Variants in RAD51D observed in about 807,000 individuals in gnomAD.
RAD51D encodes the protein DNA repair protein RAD51 homolog 4.
In RAD51D, 38 loss-of-function variants were observed where a neutral mutation model predicts 44.1. The ratio of observed to expected loss-of-function variants is 0.86; its 90% CI spans 0.67 to 1.13. RAD51D has a LOEUF of 1.13. Among genes scored for constraint, RAD51D ranks in the 50% most tolerant of loss-of-function variants. The pLI is 0.00. For missense variants in RAD51D, 390 were observed against 414.0 expected, an observed-to-expected ratio of 0.94 and a Z score of 0.50; for synonymous variants, 141 against 166.6, an observed-to-expected ratio of 0.85 and a Z score of 1.18.
At chr17:35,110,832 C>A (rs751889834) in intron 3 of RAD51D, among the ~76,000 whole-genome samples, 2 of 152,274 alleles carry the variant, frequency 1.3e-5, no homozygotes, top group Admixed American at 6.5e-5. Flanking sequence ...ACAGGCTGGG[C>A]GCGGTGGCTC....
In RAD51D at chr17:35,119,580, G is replaced by C. The variant is rs773065220; in HGVS notation, c.34C>G (p.Leu12Val). The C allele has an allele frequency of 8.7e-6, 14 of 1,612,656 alleles. No homozygotes were observed. The highest frequency in any genetic ancestry group is 1.2e-5 in the Non-Finnish European group (14 of 1,179,954). Residue 12 changes from leucine to valine, a missense_variant, in exon 1 of 10, where the codon CTT (leucine) becomes GTT (valine). Leu to Val is a conservative substitution (Grantham distance 32). Transcript: ENST00000345365. ...AGAAGCTGGATCATCTCCTCGGTAA[G>C]GCCAGGGCACAGTCCGACCCTGAGC... ...GVLRVGLCPGLTEEMIQLLRS... is the reference protein window; with the variant it reads ...GVLRVGLCPGVTEEMIQLLRS...
At chr17:35,118,453 G>T in intron 3 of RAD51D, 48 bp downstream of exon 3, 1 of 1,493,008 alleles carries the variant, frequency 6.7e-7, no homozygotes, top group Non-Finnish European at 9.3e-7. Context: ...CTGAGAGGAG[G>T]CCCCATCCTC....
At position 35,099,601 on chromosome 17, in the gene RAD51D, C is replaced by T; in HGVS notation, c.*1352G>A. On this transcript the variant is annotated 3_prime_UTR_variant, in exon 10 of 10. Transcript: ENST00000345365. ...AATCCAACACCCTGGTGCCAGTTTG[C>T]CACTCCTTCCCAATCCTCCATGATT... is the stretch of plus-strand genomic sequence containing the variant. 2.9e-6 allele frequency: 1 copy of T among 349,560 alleles called. No individual in the cohort carries two copies. Among genetic ancestry groups the T allele is most frequent in the Admixed American group, 3.9e-5 (1 of 25,628 alleles). 21.7% of individuals were successfully genotyped at this position (349,560 alleles called of 1,614,324 possible). A position where few individuals can be genotyped will look rare whatever the true frequency, so the allele number is the denominator to read the frequency against.
rs143673500 is a variant in RAD51D, at chr17:35,100,016, G to T, written c.*937C>A. 1.9e-5 allele frequency: 10 copies of T among 530,834 alleles called. No individual in the cohort carries two copies. The highest frequency in any genetic ancestry group is 1.6e-4 in the Admixed American group (7 of 44,902). 32.9% of individuals were successfully genotyped at this position (530,834 alleles called of 1,614,324 possible). The stretch of plus-strand genomic sequence containing the variant: ...CTGCATAAAGGACTAGATTTGCCAT[G>T]TATTATTTACGTCAGCATCAATTTT... On this transcript the variant is annotated 3_prime_UTR_variant, in exon 10 of 10. Coordinates refer to ENST00000345365, the MANE Select transcript of RAD51D (RefSeq NM_002878.4).
At chr17:35,117,539 G>A (rs1245574780) in intron 3 of RAD51D, among the ~76,000 whole-genome samples, 1 of 152,166 alleles carries the variant, frequency 6.6e-6, no homozygotes, top group Non-Finnish European at 1.5e-5. Flanking sequence ...ACCAAGGCTG[G>A]AGTGCAGTGG....
Position 35,119,680 on chromosome 17 carries a change from T to C in RAD51D, c.-67A>G, listed in dbSNP as rs2142481767. On this transcript the variant is annotated 5_prime_UTR_variant, in exon 1 of 10. Transcript: ENST00000345365. ...ACGTGGGCATTCGCGGGGGGTCCTCTCCAGACGCCCCTCCCCTACCCCTTC... is the reference window on the plus strand; with the variant it reads ...ACGTGGGCATTCGCGGGGGGTCCTCCCCAGACGCCCCTCCCCTACCCCTTC... The C allele has an allele frequency of 6.6e-7, 1 of 1,511,336 alleles. No homozygotes were observed. The highest frequency in any genetic ancestry group is 9.1e-7 in the Non-Finnish European group (1 of 1,098,710). The allele number at this position is 1,511,336 out of a possible 1,614,324, so 93.6% of individuals were successfully genotyped here. A position where few individuals can be genotyped will look rare whatever the true frequency, so the allele number is the denominator to read the frequency against.
Position 35,107,416 on chromosome 17 carries a change from TATAGAGAC to T in RAD51D, c.287_294del (p.Gly96AspfsTer6). ...CCTACAATTTCAGTCACTTCTCCAG[TATAGAGAC>T]CAGCATCAAGCAGTTTATCAAGACT... is the stretch of plus-strand genomic sequence containing the variant. On this transcript the variant is annotated frameshift_variant, in exon 4 of 10. Coordinates refer to ENST00000345365, the MANE Select transcript of RAD51D (RefSeq NM_002878.4). LOFTEE classifies it high-confidence loss of function. 6.4e-7 allele frequency: 1 copy of T among 1,563,352 alleles called. No homozygotes were observed. The highest frequency in any genetic ancestry group is 2.2e-5 in the East Asian group (1 of 44,638).
intron 1 of RAD51D, 104 bp from the exon 2 acceptor site, chr17:35,119,276 G>T: frequency 8.8e-7 from 1 of 1,130,238 alleles, no homozygotes; most frequent in African/African-American, 1.5e-5. Flanking sequence ...CCCCCCGGCA[G>T]GCCGTCTCAG....
At chr17:35,118,764 A>G in intron 2 of RAD51D, 145 bp from the exon 3 acceptor site, 1 of 740,510 alleles carries the variant, frequency 1.4e-6, no homozygotes. Context: ...GTTGTTTCAG[A>G]CAGGGTCTCA....
rs786201961 is a variant in RAD51D at position 35,101,018 on chromosome 17, T to C, written c.922A>G (p.Met308Val). Reference protein sequence around the residue: ...SSRQPTGFQEMVDIGTWGTSE... With the variant: ...SSRQPTGFQEVVDIGTWGTSE... ...GTCCCCCAGGTCCCAATGTCTACCATCTCCTGGAAACCTGTTGGCTGGAAG... is the reference window on the plus strand; with the variant it reads ...GTCCCCCAGGTCCCAATGTCTACCACCTCCTGGAAACCTGTTGGCTGGAAG... Residue 308 changes from methionine (M) to valine (V), a missense_variant, in exon 10 of 10, where the codon ATG becomes GTG. Met to Val is a conservative substitution (Grantham distance 21, BLOSUM62 1). Transcript: ENST00000345365. 8 of 1,613,598 alleles carry C rather than the reference T, an allele frequency of 5.0e-6. No individual in the cohort carries two copies. The highest frequency in any genetic ancestry group is 4.0e-5 in the African/African-American group (3 of 74,880).
rs368914740 is a variant in RAD51D, at chr17:35,101,280, C to T, written c.824G>A (p.Arg275Gln). 7 of 1,614,046 alleles carry T rather than the reference C, an allele frequency of 4.3e-6. No individual in the cohort carries two copies. The highest frequency in any genetic ancestry group is 1.3e-5 in the African/African-American group (1 of 74,896). The change falls in exon 9 of 10, where the codon CGG becomes CAG. Residue 275 changes from arginine (R) to glutamine (Q), a missense_variant. Coordinates refer to ENST00000345365, the MANE Select transcript of RAD51D (RefSeq NM_002878.4). ...TCCCTCGATGGTGTCCAGGAGAATC[C>T]GAGTGCTGGGCACAAAGCTCCAGGA... ...GRSWSFVPST[R>Q]ILLDTIEGAG...
Position 35,103,690 on chromosome 17 carries a change from C to CA in RAD51D, c.577-147dup. ...CTGCACGGGCATCACAGAATGTCAT[C>CA]AGCAGCAATGTCTCCCTCGTCCCAT... On this transcript the variant is annotated intron_variant, in intron 6 of 9. Coordinates refer to ENST00000345365, the MANE Select transcript of RAD51D (RefSeq NM_002878.4). The surrounding 1 kb of genome is among the most constrained non-coding windows in gnomAD (Gnocchi z 4.1). 1.4e-6 allele frequency: 1 copy of CA among 701,082 alleles called. No homozygotes were observed. Among genetic ancestry groups the CA allele is most frequent in the South Asian group, 1.5e-5 (1 of 66,390 alleles). The allele number at this position is 701,082 out of a possible 1,614,324, so 43.4% of individuals were successfully genotyped here.
At chr17:35,104,770 C>T (rs2091579296) in intron 6 of RAD51D, 1 of 152,010 alleles carries the variant, frequency 6.6e-6, no homozygotes, top group African/African-American at 2.4e-5. Flanking sequence ...GTTTTTGATG[C>T]TTCTTTTCTC....
rs1209298800 is a variant in RAD51D, at chr17:35,100,704, C to T, written c.*249G>A. 3 of 631,066 alleles carry T rather than the reference C, an allele frequency of 4.8e-6. No individual in the cohort carries two copies. Among genetic ancestry groups the T allele is most frequent in the East Asian group, 3.0e-5 (1 of 33,758 alleles). 39.1% of individuals were successfully genotyped at this position (631,066 alleles called of 1,614,324 possible). On this transcript the variant is annotated 3_prime_UTR_variant, in exon 10 of 10. Transcript: ENST00000345365. Reference sequence around the variant, plus strand: ...ACTTGGTTTCCACCAGAAACATACACGTTAGAAATAAGGGAAGGAAACGTG... The same window carrying T: ...ACTTGGTTTCCACCAGAAACATACATGTTAGAAATAAGGGAAGGAAACGTG...
rs2091505591 is a variant in RAD51D at position 35,098,847 on chromosome 17, A to G, written c.*2106T>C. ...GTTAAGTAACAGGATGGGCCAGATG[A>G]TTTTTTTTTTCCTTGAGACAGGGTC... On this transcript the variant is annotated 3_prime_UTR_variant, in exon 10 of 10. Transcript: ENST00000345365. 6.7e-6 allele frequency: 1 copy of G among 149,316 alleles called. No homozygotes were observed. The highest frequency in any genetic ancestry group is 2.5e-5 in the African/African-American group (1 of 40,530). The allele number at this position is 149,316 out of a possible 1,614,324, so 9.2% of individuals were successfully genotyped here.
chr17:35,102,610 C>G (rs1173011819), intron 8 of RAD51D, among the ~76,000 whole-genome samples: 2 of 144,800 alleles, frequency 1.4e-5, no homozygotes, highest in African/African-American at 5.1e-5. Flanking sequence ...GCCTGGGAAA[C>G]AGAGCGAAAC....
chr17:35,108,342 C>T (rs569557295), intron 3 of RAD51D, among the ~76,000 whole-genome samples: 1 of 151,584 alleles, frequency 6.6e-6, no homozygotes, highest in Non-Finnish European at 1.5e-5. Flanking sequence ...GAACCCTTCA[C>T]CTGGTTTACC....
At position 35,103,307 on chromosome 17, in the gene RAD51D, GCA is replaced by G; in HGVS notation, c.683_684del (p.Met228ThrfsTer98). 1 of 1,612,118 alleles carries G rather than the reference GCA, an allele frequency of 6.2e-7. No homozygotes were observed. Among genetic ancestry groups the G allele is most frequent in the Non-Finnish European group, 8.5e-7 (1 of 1,179,222 alleles). On this transcript the variant is annotated frameshift_variant, in exon 8 of 10. Coordinates refer to ENST00000345365, the MANE Select transcript of RAD51D (RefSeq NM_002878.4). LOFTEE classifies it high-confidence loss of function. This position sits in a 1 kb window ranked among gnomAD's most constrained non-coding sequence, Gnocchi z 4.1. ...GQQREGLALMMQLARELKTLA... is the reference protein window; with the variant it reads ...GQQREGLALMXQLARELKTLA... ...AGGGTCTTCAGCTCTCGGGCCAGCT[GCA>G]TCATCAAGGCCAAGCCTGCAGGAGG...
At position 35,101,123 on chromosome 17, in the gene RAD51D, C is replaced by T. The variant is rs2142410132; in HGVS notation, c.903+78G>A. The T allele has an allele frequency of 3.1e-6, 5 of 1,610,974 alleles. No homozygotes were observed. In the South Asian group the frequency reaches 5.5e-5, roughly 18 times the overall value. On this transcript the variant is annotated intron_variant, in intron 9 of 9. Coordinates refer to ENST00000345365, the MANE Select transcript of RAD51D (RefSeq NM_002878.4). ...GCAAGGTTTCAGCCTCTAAAGAGTT[C>T]TTCTCGAAGACATCTGTGGGTATGG... is the stretch of plus-strand genomic sequence containing the variant.
Sources: gnomAD v4.1 joint callset for allele counts (sites outside exome capture counted in the v4.1 genomes callset) on GRCh38, gnomAD v4.1.1 for gene constraint, Gnocchi (gnomAD v3.1) non-coding constraint, MANE v1.5 for transcripts, NCBI Gene and HGNC (gene_info 2026-07-23, HGNC 2026-07-21) for gene names.